The following ANK1 variants were observed in gnomAD, a reference collection of about 807,000 sequenced individuals.
The protein encoded by ANK1 is ankyrin-1.
In ANK1, 51 loss-of-function variants were observed where a neutral mutation model predicts 210.4. That is an observed-to-expected ratio of 0.24 (90% CI 0.19 to 0.31). The LOEUF (loss-of-function observed/expected upper bound fraction) is 0.31. Among genes scored for constraint, ANK1 ranks in the 10% least tolerant of loss-of-function variants. The probability of loss-of-function intolerance (pLI) is 1.00; values close to 1 mark genes in which losing one functional copy is unlikely to be tolerated. For missense variants in ANK1, 2,051 were observed against 2,504.4 expected (o/e 0.82, Z 3.86); for synonymous variants, 967 against 1,025.9 (o/e 0.94, Z 1.10).
At chr8:41,754,146 G>A (rs1838486638) in intron 2 of ANK1, among the ~76,000 whole-genome samples, 1 of 152,212 alleles carries the variant, frequency 6.6e-6, no homozygotes, top group African/African-American at 2.4e-5. Flanking sequence ...AACGGATAAG[G>A]AACGTGACTT....
At chr8:41,708,507 T>G (rs565980671) in intron 17 of ANK1, among the ~76,000 whole-genome samples, 37 of 152,248 alleles carry the variant, frequency 2.4e-4, no homozygotes, top group Non-Finnish European at 5.3e-4. Flanking sequence ...AATATTGATC[T>G]TTCTGCAGAT....
intron 1 of ANK1, among the ~76,000 whole-genome samples, chr8:41,807,828 A>AG (rs1481004136): frequency 6.6e-6 from 1 of 151,710 alleles, no homozygotes; most frequent in African/African-American, 2.4e-5. Context: ...AGCATCTACA[A>AG]GGGGGAGCCA....
At position 41,716,355 on chromosome 8, in the gene ANK1, C is replaced by T. The variant is rs537681319; in HGVS notation, c.1405-506G>A. Among the ~76,000 whole-genome samples the T allele has an allele frequency of 7.9e-5, 12 of 152,066 alleles. No homozygotes were observed. The East Asian group carries it at 1.9e-3, about 25-fold the overall frequency. On this transcript the variant is annotated intron_variant, in intron 13 of 42. Transcript: ENST00000289734. ...AGAATGAGGACTTTTCCACCCACACCCCCCCACTTCCTGTTTCTGAATGCT... is the reference window on the plus strand; with the variant it reads ...AGAATGAGGACTTTTCCACCCACACTCCCCCACTTCCTGTTTCTGAATGCT...
chr8:41,883,430 G>C (rs1269626978), intron 1 of ANK1, among the ~76,000 whole-genome samples: 1 of 149,658 alleles, frequency 6.7e-6, no homozygotes, highest in Non-Finnish European at 1.5e-5. Context: ...CAGGTACCGA[G>C]AAGGATCTCA....
intron 35 of ANK1, among the ~76,000 whole-genome samples, chr8:41,686,671 G>A (rs971481035): frequency 1.3e-5 from 2 of 152,142 alleles, no homozygotes; most frequent in East Asian, 1.9e-4. Context: ...CGTACCTGCC[G>A]ATTCTCACCC....
chr8:41,779,092 G>T, intron 1 of ANK1, among the ~76,000 whole-genome samples: 1 of 152,162 alleles, frequency 6.6e-6, no homozygotes, highest in East Asian at 1.9e-4. Flanking sequence ...GGAGCTGGAT[G>T]CAGGCAGGGA....
Position 41,778,896 on chromosome 8 carries a change from A to T in ANK1, c.27+18616T>A, listed in dbSNP as rs139352728. Among the ~76,000 whole-genome samples the T allele has an allele frequency of 1.8e-3, 268 of 152,364 alleles. 1 individual carries two copies. The highest frequency in any genetic ancestry group is 5.8e-3 in the African/African-American group (240 of 41,578). ...ACACACAGGCAGGAAGCCCGCGCTC[A>T]TAGAGCTGACATTCCTATGGGAGGG... On this transcript the variant is annotated intron_variant, in intron 1 of 42. Coordinates refer to ENST00000289734, the MANE Select transcript of ANK1 (RefSeq NM_000037.4).
At chr8:41,893,056 C>A (rs1819751833) in intron 1 of ANK1, among the ~76,000 whole-genome samples, 2 of 152,150 alleles carry the variant, frequency 1.3e-5, no homozygotes, top group South Asian at 2.1e-4. Flanking sequence ...ATCCACTCTT[C>A]CTTCCTTGAA....
chr8:41,877,650 T>C (rs1014624660), intron 1 of ANK1, among the ~76,000 whole-genome samples: 1 of 152,188 alleles, frequency 6.6e-6, no homozygotes, highest in African/African-American at 2.4e-5. Flanking sequence ...CAGAAATAAA[T>C]AGGACCATTT....
At chr8:41,876,214 GCA>G (rs1004846272) in intron 1 of ANK1, among the ~76,000 whole-genome samples, 1 of 152,180 alleles carries the variant, frequency 6.6e-6, no homozygotes, top group Non-Finnish European at 1.5e-5. Flanking sequence ...GGCCTCACCA[GCA>G]CGTGGGGCGC....
chr8:41,896,647 T>G, exon 1 of ANK1: 1 of 924,656 alleles, frequency 1.1e-6, no homozygotes, highest in East Asian at 4.0e-5. Context: ...GCGAAGGCAG[T>G]TCCGGACGCG....
intron 27 of ANK1, 87 bp downstream of exon 27, chr8:41,695,090 G>A: frequency 6.4e-7 from 1 of 1,563,554 alleles, no homozygotes; most frequent in East Asian, 2.2e-5. Context: ...CCAAACTTCA[G>A]GTGGCCCTCA....
chr8:41,718,584 C>T (rs918816633), intron 10 of ANK1, among the ~76,000 whole-genome samples: 2 of 152,206 alleles, frequency 1.3e-5, no homozygotes, highest in African/African-American at 4.8e-5. Flanking sequence ...AACCACTGAT[C>T]ATTTTTAGTG....
At position 41,855,855 on chromosome 8, in the gene ANK1, TC is replaced by T. The variant is rs139836766; in HGVS notation, c.126+40499del. Among the ~76,000 whole-genome samples the T allele has an allele frequency of 3.2e-3, 486 of 151,906 alleles. 3 individuals carry two copies. The highest frequency in any genetic ancestry group is 9.9e-3 in the African/African-American group (409 of 41,418). Reference sequence around the variant, plus strand: ...TCCTACAGCTCCTGGCTCCCTACCATCCAGTTCTGTCACATCCAATTCATCA... The same window carrying T: ...TCCTACAGCTCCTGGCTCCCTACCATCAGTTCTGTCACATCCAATTCATCA... On this transcript the variant is annotated intron_variant, in intron 1 of 42. Coordinates refer to the ANK1 transcript ENST00000265709.
intron 1 of ANK1, among the ~76,000 whole-genome samples, chr8:41,843,384 T>C (rs1809379963): frequency 6.6e-6 from 1 of 152,080 alleles, no homozygotes; most frequent in South Asian, 2.1e-4. Flanking sequence ...TTTCACCCAC[T>C]TCTCTTCATT....
chr8:41,704,939 G>A lies in ANK1; in HGVS notation c.2098-467C>T, dbSNP rs1301103706. Among the ~76,000 whole-genome samples the A allele has an allele frequency of 2.6e-5, 4 of 152,200 alleles. No homozygotes were observed. Among genetic ancestry groups the A allele is most frequent in the Middle Eastern group, 3.2e-3 (1 of 316 alleles). ...TGCTGAGATGAGGGCAGATGGGGATGTGGAGTCATGGTCACTCCAATGACA... is the reference window on the plus strand; with the variant it reads ...TGCTGAGATGAGGGCAGATGGGGATATGGAGTCATGGTCACTCCAATGACA... On this transcript the variant is annotated intron_variant, in intron 18 of 42. Coordinates refer to ENST00000289734, the MANE Select transcript of ANK1 (RefSeq NM_000037.4). This position sits in a 1 kb window ranked among gnomAD's most constrained non-coding sequence, Gnocchi z 4.1.
chr8:41,655,143 T>TCATTAAAAA lies in ANK1; in HGVS notation c.*646_*647insTTTTTAATG. 4 of 153,326 alleles carry TCATTAAAAA rather than the reference T, an allele frequency of 2.6e-5. No homozygotes were observed. The highest frequency in any genetic ancestry group is 6.4e-5 in the Admixed American group (1 of 15,600). The allele number at this position is 153,326 out of a possible 1,614,324, so 9.5% of individuals were successfully genotyped here. ...TGGAGGCGAGTGGTGTGTGTGTGTG[T>TCATTAAAAA]GTGTGTGTGTCCTGAATGTCATGTA... On this transcript the variant is annotated 3_prime_UTR_variant, in exon 43 of 43. Transcript: ENST00000289734.
intron 31 of ANK1, 133 bp downstream of exon 31, chr8:41,692,515 G>T: frequency 2.3e-6 from 2 of 867,546 alleles, no homozygotes; most frequent in Non-Finnish European, 3.7e-6. Flanking sequence ...CTCAAGAGGG[G>T]TCTCAAAGAC....
At chr8:41,693,313 G>T (rs1819808376) in intron 29 of ANK1, 112 bp from the exon 30 acceptor site, 3 of 971,966 alleles carry the variant, frequency 3.1e-6, no homozygotes, top group Non-Finnish European at 3.2e-6. Flanking sequence ...AGCTCACTTT[G>T]TCTGCAGCCC....
Sources: gnomAD v4.1 joint callset for allele counts (sites outside exome capture counted in the v4.1 genomes callset) on GRCh38, gnomAD v4.1.1 for gene constraint, Gnocchi (gnomAD v3.1) non-coding constraint, MANE v1.5 for transcripts, NCBI Gene and HGNC (gene_info 2026-07-23, HGNC 2026-07-21) for gene names.